Variants in DSE observed in about 807,000 individuals in gnomAD.
DSE encodes the protein dermatan-sulfate epimerase.
DSE carries 36 observed loss-of-function variants against 84.4 expected under a neutral mutation model. That is an observed-to-expected ratio of 0.43 (90% CI 0.33 to 0.56). The LOEUF is 0.56. Ranked by LOEUF, DSE falls within the 20% of genes least tolerant of loss-of-function variation. The pLI, the probability that DSE is intolerant of heterozygous loss-of-function variation, is 0.06. For missense variants in DSE, 862 were observed against 1,169.6 expected (o/e 0.74, Z 3.84); for synonymous variants, 410 against 430.1 (o/e 0.95, Z 0.58).
At chr6:116,275,555 C>G (rs1019522847) in intron 2 of DSE, among the ~76,000 whole-genome samples, 5 of 152,164 alleles carry the variant, frequency 3.3e-5, no homozygotes, top group African/African-American at 1.2e-4. Context: ...AATCCCAGCA[C>G]TTTGGGAGGC....
chr6:116,337,177 A>G (rs1425420812), intron 2 of DSE, among the ~76,000 whole-genome samples: 2 of 152,190 alleles, frequency 1.3e-5, no homozygotes, highest in Non-Finnish European at 2.9e-5. Context: ...GAGCTCGTAT[A>G]TAGAGCTGAC....
intron 1 of DSE, among the ~76,000 whole-genome samples, chr6:116,396,191 G>T (rs1312727708): frequency 6.6e-6 from 1 of 152,202 alleles, no homozygotes; most frequent in Non-Finnish European, 1.5e-5. Context: ...TTAAAAGCCA[G>T]ATTCAGTGCT....
chr6:116,368,010 A>G (rs1278796893), upstream of DSE, among the ~76,000 whole-genome samples: 1 of 152,218 alleles, frequency 6.6e-6, no homozygotes, highest in Non-Finnish European at 1.5e-5. Context: ...GGAAGACACA[A>G]TTTTGTAGAC....
chr6:116,295,171 A>C (rs944598041), intron 2 of DSE, among the ~76,000 whole-genome samples: 4 of 152,166 alleles, frequency 2.6e-5, no homozygotes, highest in African/African-American at 9.6e-5. Flanking sequence ...AAGAAAGGAC[A>C]CTTGTGCTAG....
chr6:116,271,631 T>C (rs1198703616), intron 2 of DSE, among the ~76,000 whole-genome samples: 1 of 152,088 alleles, frequency 6.6e-6, no homozygotes, highest in Non-Finnish European at 1.5e-5. Flanking sequence ...TGGCCTGGAA[T>C]TGAAAGAGAA....
chr6:116,264,843 G>A (rs564637250), intron 2 of DSE, among the ~76,000 whole-genome samples: 2 of 152,262 alleles, frequency 1.3e-5, no homozygotes, highest in Admixed American at 6.5e-5. Context: ...TATGGGGCCA[G>A]CACTCAGCTC....
intron 1 of DSE, among the ~76,000 whole-genome samples, chr6:116,397,892 C>T (rs897082063): frequency 2.0e-5 from 3 of 152,172 alleles, no homozygotes; most frequent in African/African-American, 7.2e-5. Flanking sequence ...AGGTAGCACC[C>T]TCAAATGATG....
exon 2 of DSE, chr6:116,258,596 C>A (rs1387054709): frequency 6.2e-7 from 1 of 1,610,556 alleles, no homozygotes. Flanking sequence ...AGCTCCTCTG[C>A]CAGGCACTCA....
In DSE at chr6:116,421,463, A is replaced by ATATATT. The variant is rs1357496121; in HGVS notation, c.417-5110_417-5109insATATTT. On this transcript the variant is annotated intron_variant, in intron 2 of 5. Transcript: ENST00000644252. ...TATACATATATATATATATATATAT[A>ATATATT]TTTTTTTTTTTTTTTTTTTTTTTTT... is the stretch of plus-strand genomic sequence containing the variant. Among the ~76,000 whole-genome samples the ATATATT allele has an allele frequency of 1.2e-3, 71 of 61,352 alleles. 4 individuals carry two copies. Among genetic ancestry groups the ATATATT allele is most frequent in the Non-Finnish European group, 1.6e-3 (62 of 37,676 alleles). The allele number at this position is 61,352 out of a possible 152,430, so 40.2% of individuals were successfully genotyped here. A position where few individuals can be genotyped will look rare whatever the true frequency, so the allele number is the denominator to read the frequency against.
chr6:116,398,352 T>C (rs1240324852), intron 1 of DSE, among the ~76,000 whole-genome samples: 1 of 152,226 alleles, frequency 6.6e-6, no homozygotes, highest in Non-Finnish European at 1.5e-5. Flanking sequence ...ATCAAGTAGT[T>C]AAGAAAATAT....
chr6:116,361,354 C>T (rs936686768), intron 2 of DSE, among the ~76,000 whole-genome samples: 5 of 152,116 alleles, frequency 3.3e-5, no homozygotes, highest in South Asian at 2.1e-4. Context: ...CCACTGCACC[C>T]GGCCGAATAT....
intron 1 of DSE, among the ~76,000 whole-genome samples, chr6:116,378,598 T>G (rs1310179023): frequency 6.6e-6 from 1 of 152,170 alleles, no homozygotes; most frequent in Non-Finnish European, 1.5e-5. Flanking sequence ...TTCCTCCATA[T>G]TTCTCTTTTT....
At chr6:116,279,221 CT>C in intron 2 of DSE, 1 of 1,609,750 alleles carries the variant, frequency 6.2e-7, no homozygotes, top group South Asian at 1.1e-5. Flanking sequence ...TCCTCCGCCA[CT>C]TCTATTTCTT....
chr6:116,265,019 A>G (rs1772562722), intron 2 of DSE, among the ~76,000 whole-genome samples: 1 of 152,172 alleles, frequency 6.6e-6, no homozygotes. Context: ...AGTGTTTCAT[A>G]TTGCAGCAAC....
At chr6:116,422,260 A>G (rs555840685) in intron 2 of DSE, among the ~76,000 whole-genome samples, 2 of 152,330 alleles carry the variant, frequency 1.3e-5, no homozygotes, top group East Asian at 3.9e-4. Flanking sequence ...AAAATCTTTA[A>G]GTATTGGTAA....
At chr6:116,393,281 T>C (rs943422951) in intron 1 of DSE, among the ~76,000 whole-genome samples, 1 of 152,242 alleles carries the variant, frequency 6.6e-6, no homozygotes, top group African/African-American at 2.4e-5. Context: ...GTCGTATACT[T>C]TCCTTTCCAG....
rs181384732 is a variant in DSE at position 116,284,059 on chromosome 6, C to A, written c.-54+25092C>A. 5.9e-5 allele frequency among the ~76,000 whole-genome samples: 9 copies of A among 152,190 alleles called. No individual in the cohort carries two copies. The East Asian group carries it at 1.7e-3, about 29-fold the overall frequency. ...TGTAATTGACAATAAACTTCACTAC[C>A]CCCAAAGATAGTTGAATCTTTTCTA... On this transcript the variant is annotated intron_variant, in intron 2 of 3. Coordinates refer to the DSE transcript ENST00000430252.
chr6:116,283,857 T>G (rs1052701001), intron 2 of DSE, among the ~76,000 whole-genome samples: 12 of 152,228 alleles, frequency 7.9e-5, no homozygotes, highest in Non-Finnish European at 1.8e-4. Context: ...TTTGGGTAGA[T>G]TCTTAACAAT....
chr6:116,336,042 A>C (rs1032870837), intron 2 of DSE, among the ~76,000 whole-genome samples: 2 of 152,250 alleles, frequency 1.3e-5, no homozygotes, highest in African/African-American at 4.8e-5. Flanking sequence ...TTAGTCATAA[A>C]CATCTCTTTC....
Sources: allele counts gnomAD v4.1 joint callset (sites outside exome capture counted in the v4.1 genomes callset), GRCh38; gene constraint gnomAD v4.1.1; transcripts MANE v1.5; gene names NCBI Gene and HGNC (gene_info 2026-07-23, HGNC 2026-07-21).